Variants in MKKS observed in about 807,000 individuals in gnomAD.
MKKS encodes the protein MKKS centrosomal shuttling protein.
A neutral mutation model predicts 33.2 loss-of-function variants in MKKS; 29 were observed. That is an observed-to-expected ratio of 0.87 (90% CI 0.65 to 1.19). The LOEUF (loss-of-function observed/expected upper bound fraction) is 1.19. MKKS is among the 50% of genes most tolerant of loss of function. The pLI is 0.00. For missense variants in MKKS, 661 were observed against 662.3 expected (o/e 1.00, Z 0.02); for synonymous variants, 260 against 244.0 (o/e 1.07, Z -0.61).
chr20:10,407,387 C>T (rs1490409551), intron 5 of MKKS, among the ~76,000 whole-genome samples: 1 of 151,996 alleles, frequency 6.6e-6, no homozygotes, highest in Non-Finnish European at 1.5e-5. Flanking sequence ...CTTATATTTA[C>T]CTTGTTATTT....
intron 3 of MKKS, among the ~76,000 whole-genome samples, chr20:10,410,690 C>A (rs2064877834): frequency 6.6e-6 from 1 of 152,156 alleles, no homozygotes; most frequent in Non-Finnish European, 1.5e-5. Flanking sequence ...TCCACAGTAA[C>A]ACCCACTACA....
intron 2 of MKKS, among the ~76,000 whole-genome samples, 167 bp downstream of exon 2, chr20:10,420,361 G>C (rs903697392): frequency 6.6e-6 from 1 of 152,080 alleles, no homozygotes; most frequent in Non-Finnish European, 1.5e-5. Context: ...TCTGCACAAC[G>C]AACTTTTCTA....
intron 1 of MKKS, among the ~76,000 whole-genome samples, chr20:10,428,040 G>C (rs2065028239): frequency 6.6e-6 from 1 of 152,222 alleles, no homozygotes; most frequent in Non-Finnish European, 1.5e-5. Context: ...TAATGTATTT[G>C]TAAATAAAAA....
chr20:10,405,696 T>C lies in MKKS; in HGVS notation c.1273-9A>G, dbSNP rs1239375783. ...TCTGGGTCGTTGTGAGTCTAAAGAGTAATAAAAACATTGAAAACACATACA... is the reference window on the plus strand; with the variant it reads ...TCTGGGTCGTTGTGAGTCTAAAGAGCAATAAAAACATTGAAAACACATACA... On this transcript the variant is annotated splice_polypyrimidine_tract_variant and intron_variant, in intron 5 of 5. Transcript: ENST00000347364. The C allele has an allele frequency of 5.0e-6, 8 of 1,605,204 alleles. No homozygotes were observed. Among genetic ancestry groups the C allele is most frequent in the Non-Finnish European group, 6.8e-6 (8 of 1,172,128 alleles).
intron 2 of MKKS, among the ~76,000 whole-genome samples, chr20:10,417,738 C>G (rs6131091): frequency 1.3e-5 from 2 of 151,794 alleles, no homozygotes; most frequent in East Asian, 3.9e-4. Flanking sequence ...ACATGATTAC[C>G]TAGGATCTAT....
rs936089112 is a variant in MKKS, at chr20:10,402,432, G to T, written c.*2815C>A. 68 of 151,852 alleles carry T rather than the reference G, an allele frequency of 4.5e-4. No individual in the cohort carries two copies. The highest frequency in any genetic ancestry group is 2.1e-4 in the South Asian group (1 of 4,816). The allele number at this position is 151,852 out of a possible 1,614,324, so 9.4% of individuals were successfully genotyped here. A position where few individuals can be genotyped will look rare whatever the true frequency, so the allele number is the denominator to read the frequency against. On this transcript the variant is annotated 3_prime_UTR_variant, in exon 6 of 6. Coordinates refer to ENST00000347364, the MANE Select transcript of MKKS (RefSeq NM_170784.3). Reference sequence around the variant, plus strand: ...TTTTCTCTTTTTTTCTATTTCCAGTGTTTTCTGCTAGGGATTATTATAACT... The same window carrying T: ...TTTTCTCTTTTTTTCTATTTCCAGTTTTTTCTGCTAGGGATTATTATAACT...
rs147882975 is a variant in MKKS, at chr20:10,408,691, A to T, written c.1098T>A (p.Asn366Lys). The T allele has an allele frequency of 3.5e-5, 57 of 1,614,132 alleles. No individual in the cohort carries two copies. In the African/African-American group the frequency reaches 6.5e-4, roughly 18 times the overall value. Residue 366 changes from asparagine to lysine, a missense_variant, in exon 4 of 6, where the codon AAT (asparagine) becomes AAA (lysine). Transcript: ENST00000347364. ...GAAGCAAGCTGCAGATTGTTGCTTC[A>T]TTAGGAATAAGATGAAAAAAATGTT... ...GSKHFFHLIP[N>K]EATICSLLLC...
rs1339123584 is a variant in MKKS at position 10,403,342 on chromosome 20, T to A, written c.*1905A>T. The A allele has an allele frequency of 2.0e-5, 3 of 152,314 alleles. No homozygotes were observed. The highest frequency in any genetic ancestry group is 2.0e-4 in the Admixed American group (3 of 15,286). 9.4% of individuals were successfully genotyped at this position (152,314 alleles called of 1,614,324 possible). On this transcript the variant is annotated 3_prime_UTR_variant, in exon 6 of 6. Coordinates refer to ENST00000347364, the MANE Select transcript of MKKS (RefSeq NM_170784.3). ...ACCCAGAGAGTGAACCACCAGGAAG[T>A]GAGATTATTGGGAACCATCTTAGAG...
intron 2 of MKKS, among the ~76,000 whole-genome samples, chr20:10,414,221 G>A (rs1001211555): frequency 1.3e-5 from 2 of 151,434 alleles, no homozygotes; most frequent in African/African-American, 4.9e-5. Flanking sequence ...ATGCTTCTAG[G>A]AGAGAAATGC....
At chr20:10,426,727 G>A (rs1568673125) in intron 1 of MKKS, among the ~76,000 whole-genome samples, 1 of 152,146 alleles carries the variant, frequency 6.6e-6, no homozygotes, top group Non-Finnish European at 1.5e-5. Flanking sequence ...TTCATGTCAG[G>A]TATATAAAAG....
chr20:10,407,605 A>G lies in MKKS; in HGVS notation c.1272+11T>C, dbSNP rs146873060. ...GAATTCAGGTAATCCGAAGAGGATT[A>G]TCTTACATACCTTGTGTCTGATATA... On this transcript the variant is annotated intron_variant, in intron 5 of 5. Transcript: ENST00000347364. 3.1e-6 allele frequency: 5 copies of G among 1,608,506 alleles called. No individual in the cohort carries two copies. Among genetic ancestry groups the G allele is most frequent in the Non-Finnish European group, 4.3e-6 (5 of 1,175,136 alleles).
chr20:10,427,151 A>T (rs950750593), intron 1 of MKKS, among the ~76,000 whole-genome samples: 1 of 151,934 alleles, frequency 6.6e-6, no homozygotes, highest in African/African-American at 2.4e-5. Flanking sequence ...TAGCCATCAG[A>T]TTATTCTATC....
At chr20:10,407,812 T>A (rs2064853664) in intron 4 of MKKS, 86 bp from the exon 5 acceptor site, 1 of 988,762 alleles carries the variant, frequency 1.0e-6, no homozygotes, top group East Asian at 2.6e-5. Flanking sequence ...TCATAGTGAA[T>A]ACAGAGAGTG....
intron 5 of MKKS, among the ~76,000 whole-genome samples, chr20:10,406,329 A>G (rs2122221576): frequency 6.6e-6 from 1 of 152,346 alleles, no homozygotes; most frequent in South Asian, 2.1e-4. Context: ...CCAACACTTC[A>G]GTCAATGATA....
rs2064896922 is a variant in MKKS, at chr20:10,412,532, G to A, written c.983C>T (p.Thr328Ile). Residue 328 changes from threonine (T) to isoleucine (I), a missense_variant and splice_region_variant, in exon 3 of 6, where the codon ACA (threonine) becomes ATA (isoleucine). Physicochemically the swap from Thr to Ile is moderately conservative, Grantham distance 89. Coordinates refer to ENST00000347364, the MANE Select transcript of MKKS (RefSeq NM_170784.3). ...CAAAAGCAAAGAGTGATTTTTACCT[G>A]TCATTTTAGTCAGGGGTTCCATCAG... is the stretch of plus-strand genomic sequence containing the variant. ...VTLMEPLTKM[T>I]GTQPIGSLGS... The A allele has an allele frequency of 1.2e-6, 2 of 1,613,308 alleles. No individual in the cohort carries two copies. Among genetic ancestry groups the A allele is most frequent in the African/African-American group, 2.7e-5 (2 of 74,912 alleles).
chr20:10,420,456 G>C (rs910497946), intron 2 of MKKS, 72 bp downstream of exon 2: 1 of 152,198 alleles, frequency 6.6e-6, no homozygotes, highest in Non-Finnish European at 1.5e-5. Flanking sequence ...CCTTGCCAGA[G>C]ATCTAAAAGA....
Position 10,403,547 on chromosome 20 carries a change from G to C in MKKS, c.*1700C>G, listed in dbSNP as rs765513190. 2 of 152,142 alleles carry C rather than the reference G, an allele frequency of 1.3e-5. No homozygotes were observed. The highest frequency in any genetic ancestry group is 2.9e-5 in the Non-Finnish European group (2 of 68,052). The allele number at this position is 152,142 out of a possible 1,614,324, so 9.4% of individuals were successfully genotyped here. ...GGTAGTTCTTTAAGTACAGTTCCTG[G>C]AACACAGTTGCTTTCCATCTGTAGA... is the stretch of plus-strand genomic sequence containing the variant. On this transcript the variant is annotated 3_prime_UTR_variant, in exon 6 of 6. Coordinates refer to ENST00000347364, the MANE Select transcript of MKKS (RefSeq NM_170784.3).
chr20:10,422,085 T>C (rs1484871743), intron 1 of MKKS, among the ~76,000 whole-genome samples: 3 of 152,286 alleles, frequency 2.0e-5, no homozygotes, highest in East Asian at 1.9e-4. Context: ...CTGAGTTAAA[T>C]AGTCTGAACC....
rs2064823228 is a variant in MKKS, at chr20:10,403,655, AC to A, written c.*1591del. On this transcript the variant is annotated 3_prime_UTR_variant, in exon 6 of 6. Coordinates refer to ENST00000347364, the MANE Select transcript of MKKS (RefSeq NM_170784.3). ...AGGCATAACCATAACCATCACCATA[AC>A]ATTCTGTCCACAAAGCTGGGAAATG... 1 of 152,200 alleles carries A rather than the reference AC, an allele frequency of 6.6e-6. No homozygotes were observed. The highest frequency in any genetic ancestry group is 2.4e-5 in the African/African-American group (1 of 41,438). The allele number at this position is 152,200 out of a possible 1,614,324, so 9.4% of individuals were successfully genotyped here.
Sources: gnomAD v4.1 joint callset for allele counts (sites outside exome capture counted in the v4.1 genomes callset) on GRCh38, gnomAD v4.1.1 for gene constraint, MANE v1.5 for transcripts, NCBI Gene and HGNC (gene_info 2026-07-23, HGNC 2026-07-21) for gene names.